The following ARPP21 variants were observed in gnomAD, a reference collection of about 807,000 sequenced individuals.
ARPP21 encodes cAMP regulated phosphoprotein 21, also known as cAMP-regulated phosphoprotein 21.
Under a neutral mutation model 113.2 loss-of-function variants are expected in ARPP21, and 69 were observed. That is an observed-to-expected ratio of 0.61 (90% CI 0.50 to 0.74). The LOEUF (loss-of-function observed/expected upper bound fraction) is 0.74, where lower values mean the gene tolerates loss of function less well. Among genes scored for constraint, ARPP21 ranks in the 30% least tolerant of loss-of-function variants. The probability of loss-of-function intolerance (pLI) is 0.00; values close to 1 mark genes in which losing one functional copy is unlikely to be tolerated. For synonymous variants in ARPP21, 368 were observed against 375.5 expected (o/e 0.98, Z 0.23); for missense variants, 1,070 against 1,037.4 (o/e 1.03, Z -0.43).
intron 18 of ARPP21, 27 bp downstream of exon 18, chr3:35,739,604 C>A (rs1482752012): frequency 6.3e-7 from 1 of 1,579,738 alleles, no homozygotes; most frequent in Admixed American, 1.8e-5. Context: ...ATGCCTGTGA[C>A]CTACAGCTGA....
At chr3:35,777,296 C>T (rs1383500346) in intron 19 of ARPP21, among the ~76,000 whole-genome samples, 2 of 152,140 alleles carry the variant, frequency 1.3e-5, no homozygotes, top group Admixed American at 6.5e-5. Flanking sequence ...AGTCACGTTA[C>T]CTGATAGCTA....
chr3:35,793,618 A>G (rs1462430589), intron 20 of ARPP21, 83 bp from the exon 21 acceptor site: 3 of 940,266 alleles, frequency 3.2e-6, no homozygotes, highest in African/African-American at 3.2e-5. Flanking sequence ...AAAAGTTTGA[A>G]TATTTTTCAT....
intron 1 of ARPP21, among the ~76,000 whole-genome samples, chr3:35,663,747 G>C (rs903009311): frequency 6.6e-6 from 1 of 152,116 alleles, no homozygotes; most frequent in Non-Finnish European, 1.5e-5. Flanking sequence ...CAGTCCTCCG[G>C]AGTAATGCTG....
rs2096796559 is a variant in ARPP21, at chr3:35,794,017, A to G, written c.*59A>G. 13 of 1,498,220 alleles carry G rather than the reference A, an allele frequency of 8.7e-6. No homozygotes were observed. The highest frequency in any genetic ancestry group is 1.2e-5 in the Non-Finnish European group (13 of 1,098,518). 92.8% of individuals were successfully genotyped at this position (1,498,220 alleles called of 1,614,324 possible). The stretch of plus-strand genomic sequence containing the variant: ...TCTCATGGCCTTTGATGGAAGAGGA[A>G]CAAGGTGGGAAAACTGGCTGAGGAC... On this transcript the variant is annotated 3_prime_UTR_variant, in exon 21 of 21. Transcript: ENST00000684406.
In ARPP21 at chr3:35,671,499, T is replaced by C. The variant is rs550859469; in HGVS notation, c.-212-8288T>C. The stretch of plus-strand genomic sequence containing the variant: ...TCATGACTGTTTTCAGTGGTGTTAA[T>C]ATGTAATTTTATGTAACACTATATT... On this transcript the variant is annotated intron_variant, in intron 1 of 20. Coordinates refer to ENST00000684406, the MANE Select transcript of ARPP21 (RefSeq NM_001385562.1). 2.0e-5 allele frequency among the ~76,000 whole-genome samples: 3 copies of C among 152,240 alleles called. No individual in the cohort carries two copies. In the South Asian group the frequency reaches 6.2e-4, roughly 32 times the overall value.
intron 19 of ARPP21, among the ~76,000 whole-genome samples, chr3:35,760,639 G>A (rs1463223176): frequency 6.6e-6 from 1 of 152,058 alleles, no homozygotes; most frequent in Admixed American, 6.6e-5. Flanking sequence ...GTGCATGGAA[G>A]AATTTGGAGG....
intron 15 of ARPP21, among the ~76,000 whole-genome samples, chr3:35,734,079 G>A (rs1393051154): frequency 2.6e-5 from 4 of 152,124 alleles, no homozygotes; most frequent in African/African-American, 7.2e-5. Flanking sequence ...CATTGTGCAT[G>A]TACATGTGTA....
At chr3:35,649,161 T>C (rs970939825) in intron 1 of ARPP21, among the ~76,000 whole-genome samples, 1 of 152,206 alleles carries the variant, frequency 6.6e-6, no homozygotes, top group Admixed American at 6.5e-5. Flanking sequence ...TTTCTACTGA[T>C]ACTCAGAATT....
intron 19 of ARPP21, among the ~76,000 whole-genome samples, chr3:35,755,488 C>T (rs1442837384): frequency 6.6e-6 from 1 of 151,952 alleles, no homozygotes; most frequent in Non-Finnish European, 1.5e-5. Context: ...CTGCATTTTT[C>T]TCTTCATCAG....
chr3:35,706,903 A>C, intron 9 of ARPP21, 71 bp from the exon 10 acceptor site: 1 of 1,168,748 alleles, frequency 8.6e-7, no homozygotes, highest in South Asian at 1.5e-5. Context: ...GTGGGGGAAG[A>C]ACAACACTAA....
chr3:35,676,895 C>A (rs1297362585), intron 1 of ARPP21, among the ~76,000 whole-genome samples: 1 of 151,750 alleles, frequency 6.6e-6, no homozygotes, highest in Non-Finnish European at 1.5e-5. Flanking sequence ...TATAGTATTG[C>A]AATATTTATA....
At chr3:35,676,502 C>A (rs1044683715) in intron 1 of ARPP21, among the ~76,000 whole-genome samples, 4 of 68,372 alleles carry the variant, frequency 5.9e-5, no homozygotes, top group Middle Eastern at 8.5e-3. Flanking sequence ...CTCTGTTCTT[C>A]CAATAAAATG....
At chr3:35,768,509 G>A (rs1267609559) in intron 19 of ARPP21, among the ~76,000 whole-genome samples, 2 of 152,040 alleles carry the variant, frequency 1.3e-5, no homozygotes, top group African/African-American at 4.8e-5. Context: ...AAAAATAACC[G>A]ATATTTGATT....
chr3:35,707,495 G>A (rs936054670), intron 10 of ARPP21: 10 of 462,034 alleles, frequency 2.2e-5, no homozygotes, highest in East Asian at 6.8e-5. Flanking sequence ...TTATCAATAC[G>A]GACCGATGAT....
At position 35,729,294 on chromosome 3, in the gene ARPP21, C is replaced by G; in HGVS notation, c.1226-9C>G. 2 of 1,601,090 alleles carry G rather than the reference C, an allele frequency of 1.2e-6. No individual in the cohort carries two copies. Among genetic ancestry groups the G allele is most frequent in the Non-Finnish European group, 1.7e-6 (2 of 1,168,292 alleles). Reference sequence around the variant, plus strand: ...GTTCAATGATTTGTTGATTGTATCCCTATGCCAGGTTCCGAGTCTTCCAGC... The same window carrying G: ...GTTCAATGATTTGTTGATTGTATCCGTATGCCAGGTTCCGAGTCTTCCAGC... On this transcript the variant is annotated splice_polypyrimidine_tract_variant and intron_variant, in intron 14 of 20. Transcript: ENST00000684406.
At chr3:35,704,430 A>G (rs1416407289) in intron 9 of ARPP21, among the ~76,000 whole-genome samples, 1 of 151,924 alleles carries the variant, frequency 6.6e-6, no homozygotes, top group Admixed American at 6.6e-5. Flanking sequence ...TAAAGATACA[A>G]TGACACTTGA....
At chr3:35,689,022 T>C (rs1305997574) in intron 6 of ARPP21, among the ~76,000 whole-genome samples, 1 of 151,456 alleles carries the variant, frequency 6.6e-6, no homozygotes, top group African/African-American at 2.4e-5. Context: ...GAACACGTGA[T>C]ATTTGACTCC....
At chr3:35,744,856 A>G (rs1194716846) in intron 19 of ARPP21, among the ~76,000 whole-genome samples, 2 of 152,234 alleles carry the variant, frequency 1.3e-5, no homozygotes, top group South Asian at 2.1e-4. Context: ...TATACACAAT[A>G]TGTACCATTT....
intron 19 of ARPP21, among the ~76,000 whole-genome samples, chr3:35,761,539 A>C (rs1018820115): frequency 2.6e-5 from 4 of 152,068 alleles, no homozygotes; most frequent in Admixed American, 2.0e-4. Flanking sequence ...CACTGTCAGC[A>C]AAGTTTGTGC....
Sources: allele counts gnomAD v4.1 joint callset (sites outside exome capture counted in the v4.1 genomes callset), GRCh38; gene constraint gnomAD v4.1.1; transcripts MANE v1.5; gene names NCBI Gene and HGNC (gene_info 2026-07-23, HGNC 2026-07-21).